Variants in NALF1 observed in about 807,000 individuals in gnomAD.
The protein encoded by NALF1 is NALCN channel auxiliary factor 1.
A neutral mutation model predicts 48.4 loss-of-function variants in NALF1; 3 were observed. The observed-to-expected ratio is 0.06, with a 90% CI of 0.03 to 0.16. The LOEUF (loss-of-function observed/expected upper bound fraction) is 0.16, where lower values mean the gene tolerates loss of function less well. Ranked by LOEUF, NALF1 falls within the 10% of genes least tolerant of loss-of-function variation. NALF1 has a pLI of 1.00. For synonymous variants in NALF1, 262 were observed against 245.7 expected (o/e 1.07, Z -0.62); for missense variants, 526 against 571.5 (o/e 0.92, Z 0.81).
chr13:107,634,200 G>A (rs1387768933), intron 1 of NALF1, among the ~76,000 whole-genome samples: 2 of 152,032 alleles, frequency 1.3e-5, no homozygotes, highest in African/African-American at 4.8e-5. Context: ...TGGAAAGGGA[G>A]GCAAAGATGG....
chr13:107,821,248 C>G (rs762968621), intron 1 of NALF1, among the ~76,000 whole-genome samples: 19 of 152,114 alleles, frequency 1.2e-4, no homozygotes, highest in Non-Finnish European at 2.1e-4. Flanking sequence ...GGACTTATAC[C>G]CCAATACCTT....
chr13:107,515,881 T>C (rs1021281818), intron 1 of NALF1, among the ~76,000 whole-genome samples: 1 of 152,148 alleles, frequency 6.6e-6, no homozygotes, highest in African/African-American at 2.4e-5. Flanking sequence ...AGCTTCATTG[T>C]TTTAGAAGAA....
rs78357152 is a variant in NALF1, at chr13:107,476,230, C to T, written c.916-265475G>A. ...TAAGTCTAATTTGATGTCTCATGCA[C>T]GCAAATAACCTTTCTTATCAAATCC... On this transcript the variant is annotated intron_variant, in intron 1 of 2. Transcript: ENST00000375915. Among the ~76,000 whole-genome samples, 1,012 of 152,164 alleles carry T rather than the reference C, an allele frequency of 6.7e-3. 36 individuals carry two copies. In the East Asian group the frequency reaches 0.11, roughly 17 times the overall value.
At chr13:107,429,525 C>T (rs1048789848) in intron 1 of NALF1, among the ~76,000 whole-genome samples, 37 of 152,126 alleles carry the variant, frequency 2.4e-4, no homozygotes, top group Non-Finnish European at 5.4e-4. Context: ...CACTATTGAG[C>T]TGATGTGCTA....
chr13:107,240,653 T>G (rs1196028301), intron 1 of NALF1, among the ~76,000 whole-genome samples: 1 of 152,164 alleles, frequency 6.6e-6, no homozygotes, highest in Non-Finnish European at 1.5e-5. Context: ...TGATCTAAGG[T>G]GAAACTCTGT....
At chr13:107,716,188 T>C (rs1290504491) in intron 1 of NALF1, among the ~76,000 whole-genome samples, 1 of 152,194 alleles carries the variant, frequency 6.6e-6, no homozygotes, top group African/African-American at 2.4e-5. Flanking sequence ...TCATTTGCAC[T>C]TTCTAGCTGG....
At chr13:107,510,348 G>A (rs1203611785) in intron 1 of NALF1, among the ~76,000 whole-genome samples, 1 of 152,098 alleles carries the variant, frequency 6.6e-6, no homozygotes, top group Non-Finnish European at 1.5e-5. Context: ...AAACAGAACA[G>A]AAGAGGAATG....
At chr13:107,833,867 C>A (rs9555417) in intron 1 of NALF1, among the ~76,000 whole-genome samples, 1 of 151,576 alleles carries the variant, frequency 6.6e-6, no homozygotes, top group Non-Finnish European at 1.5e-5. Context: ...TATTAAAGTA[C>A]CTTAAAGCTG....
chr13:107,597,550 G>A (rs1878790243), intron 1 of NALF1, among the ~76,000 whole-genome samples: 1 of 152,116 alleles, frequency 6.6e-6, no homozygotes, highest in East Asian at 1.9e-4. Flanking sequence ...TCTTCCCAGG[G>A]CTTTTGTTCT....
intron 2 of NALF1, among the ~76,000 whole-genome samples, chr13:107,190,223 A>C (rs1263702302): frequency 6.6e-6 from 1 of 152,158 alleles, no homozygotes; most frequent in Non-Finnish European, 1.5e-5. Context: ...CTCAACCCAT[A>C]GGTTGTAATT....
intron 1 of NALF1, among the ~76,000 whole-genome samples, chr13:107,310,658 CACAAT>C (rs1048962456): frequency 1.3e-5 from 2 of 151,778 alleles, no homozygotes; most frequent in African/African-American, 4.8e-5. Flanking sequence ...TATCATAAAA[CACAAT>C]ACAATTATTT....
intron 1 of NALF1, among the ~76,000 whole-genome samples, chr13:107,309,821 A>C (rs1882010250): frequency 6.6e-6 from 1 of 152,238 alleles, no homozygotes; most frequent in Admixed American, 6.5e-5. Flanking sequence ...ATGCAGCTTA[A>C]ATTTCAACTT....
intron 1 of NALF1, among the ~76,000 whole-genome samples, chr13:107,342,388 T>C (rs1250562136): frequency 6.6e-6 from 1 of 152,206 alleles, no homozygotes; most frequent in African/African-American, 2.4e-5. Flanking sequence ...TACTTTTGCA[T>C]TAAAATGTTA....
At chr13:107,684,532 G>A (rs1410242388) in intron 1 of NALF1, among the ~76,000 whole-genome samples, 1 of 152,118 alleles carries the variant, frequency 6.6e-6, no homozygotes, top group Admixed American at 6.5e-5. Context: ...GTACCCAGGA[G>A]GACTCTGGGG....
intron 1 of NALF1, among the ~76,000 whole-genome samples, chr13:107,658,845 A>G (rs947290929): frequency 1.1e-4 from 17 of 152,134 alleles, no homozygotes; most frequent in African/African-American, 3.9e-4. Flanking sequence ...CGAAAATGGT[A>G]TTTCTATAAC....
In NALF1 at chr13:107,308,546, T is replaced by C. The variant is rs1881985975; in HGVS notation, c.916-97791A>G. 2.0e-5 allele frequency among the ~76,000 whole-genome samples: 3 copies of C among 152,150 alleles called. No homozygotes were observed. The South Asian group carries it at 6.2e-4, about 32-fold the overall frequency. ...TCCATAGCAATCATAGCCAAAATTTTAAAAAGGAAATTGAGAAATATTGCT... is the reference window on the plus strand; with the variant it reads ...TCCATAGCAATCATAGCCAAAATTTCAAAAAGGAAATTGAGAAATATTGCT... On this transcript the variant is annotated intron_variant, in intron 1 of 2. Transcript: ENST00000375915.
chr13:107,339,290 T>C (rs1882624878), intron 1 of NALF1, among the ~76,000 whole-genome samples: 1 of 152,138 alleles, frequency 6.6e-6, no homozygotes, highest in Non-Finnish European at 1.5e-5. Flanking sequence ...GGTTTATTTT[T>C]AAATGTGGTT....
chr13:107,811,691 G>C (rs562308666), intron 1 of NALF1, among the ~76,000 whole-genome samples: 12 of 152,312 alleles, frequency 7.9e-5, no homozygotes, highest in African/African-American at 2.9e-4. Context: ...TAAAAGAAAT[G>C]TATTTGGCTC....
At position 107,603,943 on chromosome 13, in the gene NALF1, G is replaced by A. The variant is rs78273664; in HGVS notation, c.915+261739C>T. On this transcript the variant is annotated intron_variant, in intron 1 of 2. Transcript: ENST00000375915. ...GCAAGAGGTGACACATACCAGTCAC[G>A]TGCAGGAGGCTGTGTTTTAACTCAA... Among the ~76,000 whole-genome samples, 426 of 152,262 alleles carry A rather than the reference G, an allele frequency of 2.8e-3. 2 individuals carry two copies. The highest frequency in any genetic ancestry group is 9.6e-3 in the African/African-American group (399 of 41,560).
Sources: allele counts gnomAD v4.1 joint callset (sites outside exome capture counted in the v4.1 genomes callset), GRCh38; gene constraint gnomAD v4.1.1; transcripts MANE v1.5; gene names NCBI Gene and HGNC (gene_info 2026-07-23, HGNC 2026-07-21).